NOL4: variants seen among roughly 807,000 people sequenced by gnomAD.
NOL4 encodes the protein nucleolar protein 4, also known as cancer/testis antigen 125.
NOL4 carries 17 observed loss-of-function variants against 75.9 expected under a neutral mutation model. The observed-to-expected ratio is 0.22, with a 90% CI of 0.15 to 0.34. NOL4 has a LOEUF of 0.34. NOL4 is among the 10% of genes least tolerant of loss of function. The probability of loss-of-function intolerance (pLI) is 1.00; values close to 1 mark genes in which losing one functional copy is unlikely to be tolerated. For missense variants in NOL4, 614 were observed against 793.5 expected (o/e 0.77, Z 2.72); for synonymous variants, 292 against 289.9 (o/e 1.01, Z -0.07).
chr18:34,036,913 T>C (rs1345385846), intron 5 of NOL4, among the ~76,000 whole-genome samples: 4 of 152,086 alleles, frequency 2.6e-5, no homozygotes, highest in Admixed American at 2.6e-4. Context: ...GCCTGGGCAA[T>C]AGAGTGAGAC....
In NOL4 at chr18:34,224,001, T is replaced by C. The variant is rs1009273291; in HGVS notation, c.-748A>G. ...TTAAAATGTCATTTCTTCAGATGCA[T>C]TTTGAATAAATTCCAGCCCTGTATG... On this transcript the variant is annotated 5_prime_UTR_variant, in exon 1 of 11. It removes an upstream start codon present in the reference 5' UTR. Transcript: ENST00000261592. The C allele has an allele frequency of 2.0e-5, 3 of 152,268 alleles. No individual in the cohort carries two copies. Among genetic ancestry groups the C allele is most frequent in the African/African-American group, 7.2e-5 (3 of 41,472 alleles). The allele number at this position is 152,268 out of a possible 1,614,324, so 9.4% of individuals were successfully genotyped here. A position where few individuals can be genotyped will look rare whatever the true frequency, so the allele number is the denominator to read the frequency against.
intron 1 of NOL4, among the ~76,000 whole-genome samples, chr18:34,136,935 A>T (rs2080917056): frequency 1.3e-5 from 2 of 152,224 alleles, no homozygotes; most frequent in South Asian, 4.1e-4. Context: ...TCTTTATTAG[A>T]TAGTGTGGTA....
At chr18:33,973,803 C>A (rs1453942483) in intron 6 of NOL4, among the ~76,000 whole-genome samples, 1 of 152,168 alleles carries the variant, frequency 6.6e-6, no homozygotes, top group Non-Finnish European at 1.5e-5. Context: ...TTAAGTAAAC[C>A]ATGCTGTACA....
chr18:33,923,773 A>G (rs2067171529), intron 9 of NOL4, among the ~76,000 whole-genome samples: 1 of 152,208 alleles, frequency 6.6e-6, no homozygotes, highest in African/African-American at 2.4e-5. Context: ...ATAAGAACAA[A>G]AATTATTTAC....
chr18:33,929,081 T>C (rs867415696), intron 9 of NOL4, among the ~76,000 whole-genome samples: 3 of 152,146 alleles, frequency 2.0e-5, no homozygotes, highest in African/African-American at 7.2e-5. Context: ...CTACACCCCA[T>C]TGTCTGTTTG....
intron 5 of NOL4, among the ~76,000 whole-genome samples, chr18:34,022,091 C>T (rs558736672): frequency 1.3e-4 from 19 of 147,712 alleles, no homozygotes; most frequent in Admixed American, 4.7e-4. Flanking sequence ...GCAACAAGAG[C>T]GAAACTGCAT....
intron 4 of NOL4, among the ~76,000 whole-genome samples, chr18:34,099,473 T>G (rs74669187): frequency 0.015 from 2,283 of 152,072 alleles, 51 homozygotes; most frequent in African/African-American, 0.052. Context: ...GATCTGGTCT[T>G]CTGCCTTTCT....
At chr18:33,870,400 T>A (rs977444345) in intron 10 of NOL4, among the ~76,000 whole-genome samples, 6 of 151,866 alleles carry the variant, frequency 4.0e-5, no homozygotes, top group Non-Finnish European at 8.8e-5. Flanking sequence ...TACAGTTAGA[T>A]TAGAGGAGTA....
intron 1 of NOL4, among the ~76,000 whole-genome samples, chr18:34,197,924 G>A (rs1175426959): frequency 6.6e-6 from 1 of 151,882 alleles, no homozygotes; most frequent in Non-Finnish European, 1.5e-5. Flanking sequence ...GTTGTTAAAG[G>A]CCCAGAAGGA....
chr18:34,017,870 ATCT>A (rs1237064406), intron 6 of NOL4, among the ~76,000 whole-genome samples: 4 of 152,144 alleles, frequency 2.6e-5, no homozygotes, highest in Admixed American at 6.6e-5. Context: ...CATCAGGGGT[ATCT>A]TCTTCTCTTC....
At chr18:33,948,800 T>A (rs887986339) in intron 8 of NOL4, among the ~76,000 whole-genome samples, 3 of 152,024 alleles carry the variant, frequency 2.0e-5, no homozygotes, top group Non-Finnish European at 4.4e-5. Context: ...ACCAATATGG[T>A]CTCTGCCATC....
chr18:34,037,323 T>C (rs1219174273), intron 5 of NOL4, among the ~76,000 whole-genome samples: 1 of 152,104 alleles, frequency 6.6e-6, no homozygotes, highest in African/African-American at 2.4e-5. Flanking sequence ...AGAATTAATG[T>C]TGTTAAATGA....
At chr18:33,995,821 A>G (rs2073240079) in intron 6 of NOL4, among the ~76,000 whole-genome samples, 1 of 151,886 alleles carries the variant, frequency 6.6e-6, no homozygotes, top group South Asian at 2.1e-4. Flanking sequence ...TGTATTCATG[A>G]AGATTGGCTT....
At chr18:33,941,989 A>C (rs1599955273) in intron 9 of NOL4, among the ~76,000 whole-genome samples, 1 of 151,950 alleles carries the variant, frequency 6.6e-6, no homozygotes, top group Non-Finnish European at 1.5e-5. Context: ...CTAATACTGT[A>C]TTTTTCATTT....
At chr18:34,172,889 G>A (rs2033182602) in intron 1 of NOL4, among the ~76,000 whole-genome samples, 1 of 151,894 alleles carries the variant, frequency 6.6e-6, no homozygotes, top group Non-Finnish European at 1.5e-5. Context: ...TGAGTATCTT[G>A]CATTTTTTAT....
At chr18:34,006,075 T>C (rs1005806949) in intron 6 of NOL4, among the ~76,000 whole-genome samples, 2 of 152,066 alleles carry the variant, frequency 1.3e-5, no homozygotes, top group African/African-American at 2.4e-5. Context: ...GTTAATTCAG[T>C]AACTGGTATT....
intron 8 of NOL4, among the ~76,000 whole-genome samples, chr18:33,946,690 C>A (rs529415598): frequency 6.6e-6 from 1 of 151,810 alleles, no homozygotes; most frequent in East Asian, 1.9e-4. Context: ...CCCTAGCATC[C>A]TTCAGTTAAA....
At chr18:33,907,876 G>A (rs1294766399) in intron 9 of NOL4, among the ~76,000 whole-genome samples, 1 of 152,016 alleles carries the variant, frequency 6.6e-6, no homozygotes, top group East Asian at 1.9e-4. Context: ...TATTGGTCAA[G>A]GCTAAAATAA....
intron 5 of NOL4, among the ~76,000 whole-genome samples, chr18:34,056,983 G>T (rs1432430964): frequency 1.3e-5 from 2 of 152,142 alleles, no homozygotes; most frequent in Admixed American, 6.5e-5. Context: ...CATTGAACAA[G>T]GCTTTAGTAG....
Sources: allele counts gnomAD v4.1 joint callset (sites outside exome capture counted in the v4.1 genomes callset), GRCh38; gene constraint gnomAD v4.1.1; transcripts MANE v1.5; gene names NCBI Gene and HGNC (gene_info 2026-07-23, HGNC 2026-07-21).